LPP: variants seen among roughly 807,000 people sequenced by gnomAD.
LPP encodes LIM domain containing preferred translocation partner in lipoma, also known as lipoma-preferred partner.
LPP carries 38 observed loss-of-function variants against 60.4 expected under a neutral mutation model. That is an observed-to-expected ratio of 0.63 (90% CI 0.49 to 0.83). The LOEUF (loss-of-function observed/expected upper bound fraction) is 0.83, where lower values mean the gene tolerates loss of function less well. Among genes scored for constraint, LPP ranks in the 40% least tolerant of loss-of-function variants. LPP has a pLI of 0.00. For missense variants in LPP, 902 were observed against 783.6 expected, an observed-to-expected ratio of 1.15 and a Z score of -1.80; for synonymous variants, 328 against 290.8, an observed-to-expected ratio of 1.13 and a Z score of -1.30.
intron 5 of LPP, among the ~76,000 whole-genome samples, chr3:188,505,539 A>T (rs191924878): frequency 6.6e-6 from 1 of 152,144 alleles, no homozygotes; most frequent in African/African-American, 2.4e-5. Context: ...TATCCATGAG[A>T]TCTTTTCATA....
rs60989319 is a variant in LPP, at chr3:188,804,243, TTATATATATATATA to T, written c.1410+43988_1410+44001del. ...ATTATGTTTTCAATGTAGTGCATCT[TTATATATATATATA>T]TATATATATATATATATATATATAT... On this transcript the variant is annotated intron_variant, in intron 9 of 11. Coordinates refer to ENST00000617246, the MANE Select transcript of LPP (RefSeq NM_001375462.1). Among the ~76,000 whole-genome samples, 138 of 37,710 alleles carry T rather than the reference TTATATATATATATA, an allele frequency of 3.7e-3. 6 individuals are homozygous for T. Among genetic ancestry groups the T allele is most frequent in the East Asian group, 0.012 (6 of 494 alleles). The allele number at this position is 37,710 out of a possible 152,430, so 24.7% of individuals were successfully genotyped here. A position where few individuals can be genotyped will look rare whatever the true frequency, so the allele number is the denominator to read the frequency against.
chr3:188,455,135 A>G (rs1320497533), intron 4 of LPP, among the ~76,000 whole-genome samples: 1 of 152,184 alleles, frequency 6.6e-6, no homozygotes, highest in Non-Finnish European at 1.5e-5. Context: ...AATAGATAAC[A>G]CAGGTGCTAT....
At chr3:188,451,550 C>T (rs1796596236) in intron 4 of LPP, among the ~76,000 whole-genome samples, 1 of 152,092 alleles carries the variant, frequency 6.6e-6, no homozygotes, top group African/African-American at 2.4e-5. Context: ...ATAGACATGT[C>T]CTGTGGTTTC....
At chr3:188,814,595 T>G (rs575439845) in intron 9 of LPP, among the ~76,000 whole-genome samples, 1 of 152,366 alleles carries the variant, frequency 6.6e-6, no homozygotes, top group East Asian at 1.9e-4. Context: ...TCAAATGCTA[T>G]TAAAATTCTT....
At chr3:188,246,660 G>A (rs1727061755) in intron 2 of LPP, among the ~76,000 whole-genome samples, 1 of 152,132 alleles carries the variant, frequency 6.6e-6, no homozygotes, top group African/African-American at 2.4e-5. Flanking sequence ...CAGGGCAGGA[G>A]CACTGAATAC....
intron 7 of LPP, among the ~76,000 whole-genome samples, chr3:188,670,726 A>T (rs1173169122): frequency 6.6e-6 from 1 of 152,114 alleles, no homozygotes; most frequent in East Asian, 1.9e-4. Context: ...GGCACATTTG[A>T]AGATTATACT....
intron 6 of LPP, among the ~76,000 whole-genome samples, chr3:188,552,776 A>G (rs1379673198): frequency 1.4e-4 from 22 of 152,206 alleles, no homozygotes; most frequent in Admixed American, 1.4e-3. Flanking sequence ...GATGAGGCTC[A>G]CCTGGATAAT....
chr3:188,387,773 A>T (rs7638810), intron 3 of LPP, among the ~76,000 whole-genome samples: 3 of 152,006 alleles, frequency 2.0e-5, no homozygotes, highest in Admixed American at 6.6e-5. Context: ...CATCATGTTG[A>T]TAAGGCTGGT....
At chr3:188,785,539 T>C (rs1426991687) in intron 9 of LPP, among the ~76,000 whole-genome samples, 2 of 105,788 alleles carry the variant, frequency 1.9e-5, no homozygotes, top group African/African-American at 8.5e-5. Flanking sequence ...TTCCATCATA[T>C]ATATATATAC....
intron 1 of LPP, among the ~76,000 whole-genome samples, chr3:188,166,283 G>C (rs1180334621): frequency 6.6e-6 from 1 of 151,842 alleles, no homozygotes; most frequent in Non-Finnish European, 1.5e-5. Context: ...GATTATTTTA[G>C]ACAAAAGGCA....
chr3:188,218,696 G>A (rs575438402), intron 1 of LPP, among the ~76,000 whole-genome samples: 2 of 152,284 alleles, frequency 1.3e-5, no homozygotes, highest in South Asian at 4.2e-4. Flanking sequence ...ATTGTGCTAG[G>A]TGCTGGGGAT....
chr3:188,307,498 CTA>C (rs1751910071), intron 2 of LPP, among the ~76,000 whole-genome samples: 1 of 152,292 alleles, frequency 6.6e-6, no homozygotes, highest in African/African-American at 2.4e-5. Context: ...CTCCTGTACT[CTA>C]TTTTATTTTT....
At chr3:188,861,656 C>T (rs1361226671) in intron 9 of LPP, among the ~76,000 whole-genome samples, 1 of 152,010 alleles carries the variant, frequency 6.6e-6, no homozygotes, top group Non-Finnish European at 1.5e-5. Context: ...GCTCTTCTGC[C>T]TGTGAGTTAC....
intron 3 of LPP, among the ~76,000 whole-genome samples, chr3:188,379,257 A>G (rs1351378423): frequency 1.3e-5 from 2 of 152,208 alleles, no homozygotes; most frequent in Non-Finnish European, 2.9e-5. Context: ...CCACAATGAA[A>G]TATATTAACC....
chr3:188,609,048 A>G lies in LPP; in HGVS notation c.430-113A>G. 1.2e-6 allele frequency: 1 copy of G among 802,234 alleles called. No individual in the cohort carries two copies. The highest frequency in any genetic ancestry group is 2.0e-6 in the Non-Finnish European group (1 of 511,678). 49.7% of individuals were successfully genotyped at this position (802,234 alleles called of 1,614,324 possible). ...ATTATGCCTTATTTGTGTTCTACATAGTAATAAATAATAATTAGCAGTTAT... is the reference window on the plus strand; with the variant it reads ...ATTATGCCTTATTTGTGTTCTACATGGTAATAAATAATAATTAGCAGTTAT... On this transcript the variant is annotated intron_variant, in intron 6 of 11. Transcript: ENST00000617246. The surrounding 1 kb of genome is among the most constrained non-coding windows in gnomAD (Gnocchi z 6.9).
chr3:188,210,116 A>C (rs1412331447), intron 1 of LPP, among the ~76,000 whole-genome samples: 2 of 152,170 alleles, frequency 1.3e-5, no homozygotes, highest in Admixed American at 1.3e-4. Context: ...AAATAAAAAA[A>C]CCAATATAAT....
chr3:188,818,674 G>A lies in LPP; in HGVS notation c.1411-47526G>A, dbSNP rs549930007. Among the ~76,000 whole-genome samples, 49 of 152,284 alleles carry A rather than the reference G, an allele frequency of 3.2e-4. 1 individual carries two copies. In the South Asian group the frequency reaches 9.5e-3, roughly 30 times the overall value. ...AGACTTTGTAGTTCTACTGCCCCAG[G>A]TTTGTATCCCAGCTTTATTTCCTAA... On this transcript the variant is annotated intron_variant, in intron 9 of 11. Transcript: ENST00000617246.
intron 6 of LPP, among the ~76,000 whole-genome samples, chr3:188,554,308 G>T (rs1828944518): frequency 6.6e-6 from 1 of 152,082 alleles, no homozygotes; most frequent in Non-Finnish European, 1.5e-5. Context: ...TAATTTTTCA[G>T]AATAGCCACA....
chr3:188,222,361 A>C (rs1716108716), intron 1 of LPP, among the ~76,000 whole-genome samples: 1 of 152,192 alleles, frequency 6.6e-6, no homozygotes. Flanking sequence ...GAAATTATAA[A>C]AGCCTTGGAA....
Sources: allele counts gnomAD v4.1 joint callset (sites outside exome capture counted in the v4.1 genomes callset), GRCh38; gene constraint gnomAD v4.1.1; non-coding constraint Gnocchi (gnomAD v3.1); transcripts MANE v1.5; gene names NCBI Gene and HGNC (gene_info 2026-07-23, HGNC 2026-07-21).